The following SGCD variants were observed in gnomAD, a reference collection of about 807,000 sequenced individuals.
SGCD encodes delta-sarcoglycan.
A neutral mutation model predicts 36.6 loss-of-function variants in SGCD; 18 were observed. That is an observed-to-expected ratio of 0.49 (90% CI 0.34 to 0.73). The LOEUF (loss-of-function observed/expected upper bound fraction) is 0.73. Ranked by LOEUF, SGCD falls within the 30% of genes least tolerant of loss-of-function variation. The pLI is 0.01. For synonymous variants in SGCD, 133 were observed against 130.6 expected (o/e 1.02, Z -0.12); for missense variants, 387 against 346.7 (o/e 1.12, Z -0.92).
chr5:155,938,312 A>G (rs113474102), intron 1 of SGCD, among the ~76,000 whole-genome samples: 298 of 152,266 alleles, frequency 2.0e-3, no homozygotes, highest in Admixed American at 2.4e-3. Flanking sequence ...CCTGAAACAA[A>G]CTGGGGTCTG....
chr5:156,615,836 GGAGA>G (rs947989758), intron 6 of SGCD, among the ~76,000 whole-genome samples: 3 of 152,134 alleles, frequency 2.0e-5, no homozygotes, highest in African/African-American at 4.8e-5. Flanking sequence ...GGGTGTAGTG[GGAGA>G]GAGAGAGTTT....
rs77530804 is a variant in SGCD, at chr5:156,303,793, T to A, written c.-43-25741T>A. Among the ~76,000 whole-genome samples, 241 of 151,914 alleles carry A rather than the reference T, an allele frequency of 1.6e-3. 1 individual carries two copies. Among genetic ancestry groups the A allele is most frequent in the African/African-American group, 5.6e-3 (233 of 41,464 alleles). On this transcript the variant is annotated intron_variant, in intron 3 of 9. Transcript: ENST00000517913. ...GGAATGGGGGCCTCTGGATTCCACT[T>A]GGTAACCTCTTTTAAGGGCTGTGTT...
At chr5:155,999,617 A>G (rs1758622847) in intron 1 of SGCD, among the ~76,000 whole-genome samples, 1 of 152,196 alleles carries the variant, frequency 6.6e-6, no homozygotes, top group Non-Finnish European at 1.5e-5. Flanking sequence ...CTGAAAAACC[A>G]AAGGCCTCAT....
intron 7 of SGCD, among the ~76,000 whole-genome samples, chr5:156,705,172 A>G (rs1052252576): frequency 2.0e-5 from 3 of 152,336 alleles, no homozygotes; most frequent in South Asian, 4.1e-4. Context: ...TTTCTCAGAT[A>G]TTAAAGTTCT....
intron 1 of SGCD, among the ~76,000 whole-genome samples, chr5:156,080,779 G>A (rs575141613): frequency 6.8e-4 from 103 of 152,206 alleles, no homozygotes; most frequent in African/African-American, 1.9e-3. Flanking sequence ...TTTCACTGTC[G>A]ATATTTATAT....
chr5:155,903,181 TTCTC>T (rs1294870041), intron 1 of SGCD, among the ~76,000 whole-genome samples: 2 of 152,240 alleles, frequency 1.3e-5, no homozygotes, highest in Non-Finnish European at 2.9e-5. Flanking sequence ...GCTGCTGTGT[TTCTC>T]TCTTTCTCAT....
chr5:156,673,221 T>C (rs560390253), intron 7 of SGCD, among the ~76,000 whole-genome samples: 1 of 152,358 alleles, frequency 6.6e-6, no homozygotes, highest in South Asian at 2.1e-4. Flanking sequence ...GGGTCTGTAG[T>C]TATGCCTAAG....
intron 1 of SGCD, among the ~76,000 whole-genome samples, chr5:155,920,600 C>G (rs1007040258): frequency 4.6e-5 from 7 of 152,088 alleles, no homozygotes. Flanking sequence ...ACCAAGATAC[C>G]AACCAGTCCT....
Position 156,508,661 on chromosome 5 carries a change from T to G in SGCD, c.253T>G (p.Phe85Val). Reference sequence around the variant, plus strand: ...TCTAAAGCTAGAAGGAGACTCTGAATTCTTACAACCTCTCTACGCCAAAGA... The same window carrying G: ...TCTAAAGCTAGAAGGAGACTCTGAAGTCTTACAACCTCTCTACGCCAAAGA... ...KGLKLEGDSE[F>V]LQPLYAKEIQ... Residue 85 changes from phenylalanine (F) to valine (V), a missense_variant, in exon 4 of 9, where the codon TTC becomes GTC. Transcript: ENST00000337851. The G allele has an allele frequency of 6.2e-7, 1 of 1,612,252 alleles. No homozygotes were observed. The highest frequency in any genetic ancestry group is 8.5e-7 in the Non-Finnish European group (1 of 1,178,616).
chr5:156,732,690 G>T (rs1756141754), intron 7 of SGCD, among the ~76,000 whole-genome samples: 1 of 152,200 alleles, frequency 6.6e-6, no homozygotes, highest in East Asian at 1.9e-4. Flanking sequence ...TCATACATTT[G>T]GTAGAATTCA....
intron 3 of SGCD, among the ~76,000 whole-genome samples, chr5:156,371,189 T>C (rs886080266): frequency 6.6e-6 from 1 of 152,184 alleles, no homozygotes; most frequent in Non-Finnish European, 1.5e-5. Context: ...TTAAGCAGAA[T>C]TGAGACCAAT....
At chr5:156,504,163 T>A (rs556760859) in intron 3 of SGCD, among the ~76,000 whole-genome samples, 76 of 150,740 alleles carry the variant, frequency 5.0e-4, no homozygotes, top group South Asian at 3.6e-3. Context: ...GAGATCACAC[T>A]GTTGCACTCC....
At chr5:156,612,462 C>T (rs1761859824) in intron 6 of SGCD, among the ~76,000 whole-genome samples, 1 of 152,220 alleles carries the variant, frequency 6.6e-6, no homozygotes, top group Non-Finnish European at 1.5e-5. Context: ...CATTTGGCTA[C>T]TATGGGCTGG....
intron 3 of SGCD, among the ~76,000 whole-genome samples, chr5:156,359,079 G>C (rs1394602): frequency 0.78 from 119,222 of 152,126 alleles, 47,361 homozygotes; most frequent in Middle Eastern, 0.92. Context: ...ATGACAGTTG[G>C]TTTCTTAAGG....
intron 1 of SGCD, among the ~76,000 whole-genome samples, chr5:155,981,624 T>C (rs1758230759): frequency 6.6e-6 from 1 of 152,186 alleles, no homozygotes; most frequent in African/African-American, 2.4e-5. Context: ...CTCCTACTTC[T>C]GCTGTGTTCA....
At chr5:156,349,946 A>C (rs79713174) in intron 3 of SGCD, among the ~76,000 whole-genome samples, 2 of 151,970 alleles carry the variant, frequency 1.3e-5, no homozygotes, top group Non-Finnish European at 2.9e-5. Flanking sequence ...GTTGTATGGA[A>C]CCAGAGGCCA....
chr5:155,908,033 C>G (rs545793243), intron 1 of SGCD, among the ~76,000 whole-genome samples: 10 of 152,128 alleles, frequency 6.6e-5, no homozygotes, highest in African/African-American at 2.2e-4. Flanking sequence ...CACCAACCAT[C>G]GACATTGAGG....
intron 3 of SGCD, among the ~76,000 whole-genome samples, chr5:156,256,999 C>A (rs575753082): frequency 6.6e-6 from 1 of 151,858 alleles, no homozygotes. Flanking sequence ...GGCAACATAA[C>A]GAGACCCCCA....
rs180885052 is a variant in SGCD, at chr5:156,644,414, T to C, written c.503-3050T>C. ...CTTTGGAGTTTTAAAGAATTACGCG[T>C]TTTTAGGGCTTTGATGTTTTAGTTA... On this transcript the variant is annotated intron_variant, in intron 6 of 8. Transcript: ENST00000337851. 2.5e-3 allele frequency among the ~76,000 whole-genome samples: 378 copies of C among 152,194 alleles called. 1 individual carries two copies. The highest frequency in any genetic ancestry group is 0.01 in the Middle Eastern group (3 of 294).
Sources: allele counts gnomAD v4.1 joint callset (sites outside exome capture counted in the v4.1 genomes callset), GRCh38; gene constraint gnomAD v4.1.1; transcripts MANE v1.5; gene names NCBI Gene and HGNC (gene_info 2026-07-23, HGNC 2026-07-21).